ARHGAP6: variants seen among roughly 807,000 people sequenced by gnomAD.
ARHGAP6 encodes Rho GTPase activating protein 6, also known as rho GTPase-activating protein 6.
ARHGAP6 carries 16 observed loss-of-function variants against 55.7 expected under a neutral mutation model. The observed-to-expected ratio is 0.29, with a 90% confidence interval of 0.19 to 0.44. The LOEUF is 0.44. Ranked by LOEUF, ARHGAP6 falls within the 20% of genes least tolerant of loss-of-function variation. The pLI is 1.00. For synonymous variants in ARHGAP6, 382 were observed against 360.9 expected (o/e 1.06, Z -0.66); for missense variants, 698 against 808.9 (o/e 0.86, Z 1.66).
intron 1 of ARHGAP6, among the ~76,000 whole-genome samples, chrX:11,287,978 C>A (rs188107090): frequency 1.8e-5 from 2 of 112,627 alleles, no homozygotes; most frequent in African/African-American, 6.4e-5. Flanking sequence ...CACTTCCATG[C>A]TGGTGCCTTT....
intron 1 of ARHGAP6, among the ~76,000 whole-genome samples, chrX:11,327,866 C>T (rs1335036056): frequency 3.1e-4 from 35 of 111,740 alleles, no homozygotes; most frequent in African/African-American, 1.1e-3. Flanking sequence ...GGCTTTGTGA[C>T]CACAGAAGTT....
At chrX:11,535,464 CTACT>C (rs2051094028) in intron 1 of ARHGAP6, among the ~76,000 whole-genome samples, 2 of 112,081 alleles carry the variant, frequency 1.8e-5, no homozygotes, top group Admixed American at 1.9e-4. Flanking sequence ...TTACATGAGG[CTACT>C]TGTTTTACTT....
intron 1 of ARHGAP6, among the ~76,000 whole-genome samples, chrX:11,552,935 A>C (rs1307068099): frequency 9.1e-6 from 1 of 109,709 alleles, no homozygotes; most frequent in Non-Finnish European, 1.9e-5. Flanking sequence ...ATAACAGTGT[A>C]TTGTACACTT....
chrX:11,566,354 A>G (rs1367935372), intron 1 of ARHGAP6, among the ~76,000 whole-genome samples: 1 of 112,327 alleles, frequency 8.9e-6, no homozygotes, highest in South Asian at 3.7e-4. Context: ...AACCTGAAAG[A>G]AGACCAGACT....
chrX:11,346,922 AAAACAAACAAAC>A (rs762899705), intron 1 of ARHGAP6, among the ~76,000 whole-genome samples: 6,257 of 108,241 alleles, frequency 0.058, 205 homozygotes, highest in African/African-American at 0.12. Context: ...TTTCTCTTGA[AAAACAAACAAAC>A]AAACAAACAA....
At chrX:11,517,464 T>A (rs1357830556) in intron 1 of ARHGAP6, among the ~76,000 whole-genome samples, 2 of 111,779 alleles carry the variant, frequency 1.8e-5, no homozygotes, top group Non-Finnish European at 3.8e-5. Flanking sequence ...TAATCTTATC[T>A]TCTCGTGCAC....
intron 2 of ARHGAP6, among the ~76,000 whole-genome samples, chrX:11,236,480 A>G (rs1280868401): frequency 1.8e-5 from 2 of 111,609 alleles, no homozygotes; most frequent in African/African-American, 6.5e-5. Flanking sequence ...AGTGGAGGAA[A>G]TGTGGTGCCT....
At chrX:11,496,942 C>T (rs1291985274) in intron 1 of ARHGAP6, among the ~76,000 whole-genome samples, 1 of 112,173 alleles carries the variant, frequency 8.9e-6, no homozygotes, top group Non-Finnish European at 1.9e-5. Flanking sequence ...CTGTATCACA[C>T]ATCAGCCCTA....
intron 1 of ARHGAP6, among the ~76,000 whole-genome samples, chrX:11,380,659 G>A (rs151138843): frequency 0.01 from 1,163 of 111,741 alleles, 4 homozygotes; most frequent in Non-Finnish European, 0.017. Flanking sequence ...AAGCTCCCAC[G>A]TGTTGCAGAT....
chrX:11,305,600 G>A (rs1161780888), intron 1 of ARHGAP6, among the ~76,000 whole-genome samples: 1 of 111,387 alleles, frequency 9.0e-6, no homozygotes, highest in Non-Finnish European at 1.9e-5. Context: ...GTGTCTACCC[G>A]AGTGATAAAG....
Position 11,400,742 on chromosome X carries a change from A to G in ARHGAP6, c.589-146035T>C, listed in dbSNP as rs185802640. 1.9e-3 allele frequency among the ~76,000 whole-genome samples: 218 copies of G among 111,992 alleles called. 1 individual carries two copies. The highest frequency in any genetic ancestry group is 3.3e-3 in the Non-Finnish European group (175 of 53,151). Reference sequence around the variant, plus strand: ...CAGCATTATACTCTTAATGTTTGACATTAACCTAGCATGAACTATCACTGT... The same window carrying G: ...CAGCATTATACTCTTAATGTTTGACGTTAACCTAGCATGAACTATCACTGT... On this transcript the variant is annotated intron_variant, in intron 1 of 12. Transcript: ENST00000337414.
intron 2 of ARHGAP6, among the ~76,000 whole-genome samples, chrX:11,215,355 G>T (rs1308949520): frequency 8.9e-6 from 1 of 112,900 alleles, no homozygotes; most frequent in Non-Finnish European, 1.9e-5. Flanking sequence ...CTGTCTCAAT[G>T]GCTCCGCGAG....
At position 11,204,083 on chromosome X, in the gene ARHGAP6, C is replaced by T. The variant is rs1341550035; in HGVS notation, c.749-7087G>A. On this transcript the variant is annotated intron_variant, in intron 2 of 12. Transcript: ENST00000337414. ...TGTGTGTGTGTGCATGACTTGATAT[C>T]ATTTGGATAGCAATTTATGGCAGAA... Among the ~76,000 whole-genome samples the T allele has an allele frequency of 3.6e-5, 4 of 112,116 alleles. No individual in the cohort carries two copies. In the East Asian group the frequency reaches 1.1e-3, roughly 31 times the overall value.
At chrX:11,550,555 G>A (rs1009660163) in intron 1 of ARHGAP6, among the ~76,000 whole-genome samples, 9 of 111,886 alleles carry the variant, frequency 8.0e-5, no homozygotes, top group Non-Finnish European at 1.7e-4. Flanking sequence ...GTAATTCAAT[G>A]TCAACCAAGG....
intron 1 of ARHGAP6, among the ~76,000 whole-genome samples, chrX:11,599,641 A>G (rs1385405812): frequency 9.0e-6 from 1 of 111,700 alleles, no homozygotes; most frequent in African/African-American, 3.3e-5. Flanking sequence ...GGAAATGGAG[A>G]GATGTTGCTC....
chrX:11,325,233 A>C (rs1387177250), intron 1 of ARHGAP6, among the ~76,000 whole-genome samples: 2 of 112,316 alleles, frequency 1.8e-5, no homozygotes, highest in African/African-American at 3.2e-5. Flanking sequence ...GTGTGACTGC[A>C]TTGTTTAATG....
At chrX:11,447,031 A>G (rs1212878467) in intron 1 of ARHGAP6, among the ~76,000 whole-genome samples, 2 of 112,364 alleles carry the variant, frequency 1.8e-5, no homozygotes, top group Admixed American at 9.4e-5. Flanking sequence ...GAATACCGTC[A>G]TTGGTCTAGT....
At chrX:11,372,252 A>G (rs914591796) in intron 1 of ARHGAP6, among the ~76,000 whole-genome samples, 8 of 112,252 alleles carry the variant, frequency 7.1e-5, no homozygotes, top group African/African-American at 2.3e-4. Context: ...TTTTCTTAGT[A>G]AATAAAGTAT....
chrX:11,278,570 G>A (rs1464953131), intron 1 of ARHGAP6, among the ~76,000 whole-genome samples: 1 of 111,512 alleles, frequency 9.0e-6, no homozygotes, highest in African/African-American at 3.3e-5. Context: ...ATTGTTTCAT[G>A]GCACTAAATT....
Sources: gnomAD v4.1 joint callset for allele counts (sites outside exome capture counted in the v4.1 genomes callset) on GRCh38, gnomAD v4.1.1 for gene constraint, MANE v1.5 for transcripts, NCBI Gene and HGNC (gene_info 2026-07-23, HGNC 2026-07-21) for gene names.